Variants in ST8SIA1 observed in about 807,000 individuals in gnomAD.
ST8SIA1 encodes the protein alpha-N-acetylneuraminide alpha-2,8-sialyltransferase.
In ST8SIA1, 16 loss-of-function variants were observed where a neutral mutation model predicts 35.9. That is an observed-to-expected ratio of 0.45 (90% CI 0.30 to 0.68). ST8SIA1 has a LOEUF of 0.68. Among genes scored for constraint, ST8SIA1 ranks in the 30% least tolerant of loss-of-function variants. The pLI is 0.09. For synonymous variants in ST8SIA1, 170 were observed against 169.6 expected, an observed-to-expected ratio of 1.00 and a Z score of -0.02; for missense variants, 383 against 453.6, an observed-to-expected ratio of 0.84 and a Z score of 1.41.
At chr12:22,288,557 C>G (rs530697834) in intron 1 of ST8SIA1, among the ~76,000 whole-genome samples, 185 of 152,338 alleles carry the variant, frequency 1.2e-3, no homozygotes, top group African/African-American at 4.3e-3. Flanking sequence ...TGTGGGCAAG[C>G]TTCCTCAGCC....
chr12:22,296,817 G>C (rs1257688750), intron 1 of ST8SIA1, among the ~76,000 whole-genome samples: 1 of 152,296 alleles, frequency 6.6e-6, no homozygotes, highest in African/African-American at 2.4e-5. Flanking sequence ...AGAGGCAGTA[G>C]TTGGGCAGTC....
In ST8SIA1 at chr12:22,287,236, A is replaced by G. The variant is rs149696941; in HGVS notation, c.294T>C (p.Asn98=). ...PAHLFAMTKM[N]SPMGKSMWYD... ...ACCACATGCTCTTCCCCATAGGGGAATTCATTTTAGTCATAGCAAAGAGAT... is the reference window on the plus strand; with the variant it reads ...ACCACATGCTCTTCCCCATAGGGGAGTTCATTTTAGTCATAGCAAAGAGAT... The change falls in exon 2 of 5, where the codon AAT becomes AAC. Residue 98 remains asparagine, a synonymous_variant. Transcript: ENST00000396037. 3.2e-3 allele frequency: 5,135 copies of G among 1,614,104 alleles called. 12 individuals carry two copies. The highest frequency in any genetic ancestry group is 3.9e-3 in the Non-Finnish European group (4,582 of 1,179,958).
Position 22,201,594 on chromosome 12 carries a change from C to G in ST8SIA1, c.1029G>C (p.Gln343His), listed in dbSNP as rs1216742701. The G allele has an allele frequency of 6.2e-7, 1 of 1,613,550 alleles. No individual in the cohort carries two copies. Among genetic ancestry groups the G allele is most frequent in the East Asian group, 2.2e-5 (1 of 44,886 alleles). ...GTGAGGTATCTTCACATGGGTCCAG[C>G]TGCATTCTCAGTGCACCGATTTTAT... ...YLHKIGALRMQLDPCEDTSLQ... is the reference protein window; with the variant it reads ...YLHKIGALRMHLDPCEDTSLQ... Residue 343 changes from glutamine to histidine, a missense_variant, in exon 5 of 5, where the codon CAG becomes CAC. Physicochemically the swap from Gln to His is conservative, Grantham distance 24. Coordinates refer to ENST00000396037, the MANE Select transcript of ST8SIA1 (RefSeq NM_003034.4).
At chr12:22,290,401 ATAG>A (rs1866160380) in intron 1 of ST8SIA1, among the ~76,000 whole-genome samples, 1 of 152,216 alleles carries the variant, frequency 6.6e-6, no homozygotes, top group Non-Finnish European at 1.5e-5. Context: ...TGCAGTACTA[ATAG>A]TAGTAGTCAT....
rs540185255 is a variant in ST8SIA1, at chr12:22,284,481, T to C, written c.381+2668A>G. On this transcript the variant is annotated intron_variant, in intron 2 of 4. Transcript: ENST00000396037. Reference sequence around the variant, plus strand: ...TGATAACAAACTAGAAACATTTTGCTAAGAAATAATAATGGATGAGAGCAG... The same window carrying C: ...TGATAACAAACTAGAAACATTTTGCCAAGAAATAATAATGGATGAGAGCAG... Among the ~76,000 whole-genome samples, 3 of 152,308 alleles carry C rather than the reference T, an allele frequency of 2.0e-5. No individual in the cohort carries two copies. The South Asian group carries it at 6.2e-4, about 32-fold the overall frequency.
intron 4 of ST8SIA1, among the ~76,000 whole-genome samples, chr12:22,227,648 C>G (rs551887117): frequency 1.4e-4 from 21 of 152,224 alleles, no homozygotes; most frequent in South Asian, 6.2e-4. Flanking sequence ...TCTATTATTT[C>G]TCTTAAATAG....
intron 3 of ST8SIA1, among the ~76,000 whole-genome samples, chr12:22,253,901 C>A (rs1865700394): frequency 6.6e-6 from 1 of 152,188 alleles, no homozygotes; most frequent in Non-Finnish European, 1.5e-5. Context: ...CCCACAAGTA[C>A]ATGGCTTCTC....
At chr12:22,308,141 A>T (rs1866407111) in intron 1 of ST8SIA1, among the ~76,000 whole-genome samples, 1 of 152,184 alleles carries the variant, frequency 6.6e-6, no homozygotes, top group Admixed American at 6.5e-5. Context: ...GAAATAAAAT[A>T]TTAGGGCATG....
In ST8SIA1 at chr12:22,334,478, C is replaced by T; in HGVS notation, c.-246G>A. 1 of 559,036 alleles carries T rather than the reference C, an allele frequency of 1.8e-6. No individual in the cohort carries two copies. The highest frequency in any genetic ancestry group is 3.0e-5 in the East Asian group (1 of 33,618). The allele number at this position is 559,036 out of a possible 1,614,324, so 34.6% of individuals were successfully genotyped here. A position where few individuals can be genotyped will look rare whatever the true frequency, so the allele number is the denominator to read the frequency against. ...CTGGGGGTGAAGTCACGATCTATGG[C>T]CATGGTCGCTTCCCCTGCAGAAGGC... On this transcript the variant is annotated 5_prime_UTR_variant, in exon 1 of 5. It introduces an in-frame stop codon into an upstream open reading frame of the 5' UTR. Transcript: ENST00000396037.
intron 2 of ST8SIA1, among the ~76,000 whole-genome samples, chr12:22,284,377 T>C (rs1477329699): frequency 1.3e-5 from 2 of 152,232 alleles, no homozygotes; most frequent in Non-Finnish European, 2.9e-5. Context: ...CCTGCATTTC[T>C]ACCTCACCTG....
chr12:22,245,957 T>C (rs898273887), intron 4 of ST8SIA1, among the ~76,000 whole-genome samples: 1 of 152,146 alleles, frequency 6.6e-6, no homozygotes, highest in Non-Finnish European at 1.5e-5. Flanking sequence ...GCATGGAAGC[T>C]CCATGTCCCT....
intron 1 of ST8SIA1, among the ~76,000 whole-genome samples, chr12:22,320,993 AAG>A (rs1866587570): frequency 2.0e-5 from 2 of 100,806 alleles, no homozygotes; most frequent in East Asian, 3.1e-4. Context: ...GAAAGAAAGA[AAG>A]AAAGAAAGAA....
chr12:22,271,685 C>T (rs897877026), intron 2 of ST8SIA1, among the ~76,000 whole-genome samples: 3 of 152,152 alleles, frequency 2.0e-5, no homozygotes, highest in Admixed American at 6.5e-5. Flanking sequence ...CTGTAAAATA[C>T]GAGAGCGCCA....
chr12:22,280,617 T>C (rs998821783), intron 2 of ST8SIA1, among the ~76,000 whole-genome samples: 2 of 152,252 alleles, frequency 1.3e-5, no homozygotes, highest in African/African-American at 4.8e-5. Context: ...TTCTCAACCA[T>C]AGACAACCTG....
chr12:22,259,474 CTT>C (rs11367158), intron 2 of ST8SIA1, among the ~76,000 whole-genome samples: 32 of 147,250 alleles, frequency 2.2e-4, no homozygotes, highest in African/African-American at 7.2e-4. Flanking sequence ...ATTTTTTTTT[CTT>C]TTTTTTTTTG....
intron 4 of ST8SIA1, among the ~76,000 whole-genome samples, chr12:22,229,915 C>G (rs766937509): frequency 1.3e-5 from 2 of 152,026 alleles, no homozygotes; most frequent in Non-Finnish European, 2.9e-5. Context: ...GGAAAACCAA[C>G]AAAGGAAGAT....
At chr12:22,249,364 A>G (rs975959638) in intron 3 of ST8SIA1, among the ~76,000 whole-genome samples, 36 of 151,804 alleles carry the variant, frequency 2.4e-4, no homozygotes, top group East Asian at 3.9e-4. Context: ...GACTACAGGC[A>G]CCTGCCACCA....
rs959375191 is a variant in ST8SIA1, at chr12:22,333,922, C to T, written c.236+75G>A. On this transcript the variant is annotated intron_variant, in intron 1 of 4. Coordinates refer to ENST00000396037, the MANE Select transcript of ST8SIA1 (RefSeq NM_003034.4). ...CTCTGCGAGACGGTGCAAGGCGGTC[C>T]TCGCCGGTGACCCTGTCCTCTGCAC... The T allele has an allele frequency of 1.6e-5, 21 of 1,339,216 alleles. No individual in the cohort carries two copies. The African/African-American group carries it at 3.0e-4, about 19-fold the overall frequency. 83.0% of individuals were successfully genotyped at this position (1,339,216 alleles called of 1,614,324 possible).
chr12:22,248,593 T>C (rs558017382), intron 4 of ST8SIA1, among the ~76,000 whole-genome samples: 3 of 152,338 alleles, frequency 2.0e-5, no homozygotes, highest in African/African-American at 7.2e-5. Flanking sequence ...TTTTAATGCA[T>C]GTATGAATTG....
Sources: gnomAD v4.1 joint callset for allele counts (sites outside exome capture counted in the v4.1 genomes callset) on GRCh38, gnomAD v4.1.1 for gene constraint, MANE v1.5 for transcripts, NCBI Gene and HGNC (gene_info 2026-07-23, HGNC 2026-07-21) for gene names.